Variants in MBNL1 observed in about 807,000 individuals in gnomAD.
The protein encoded by MBNL1 is muscleblind-like protein 1.
Under a neutral mutation model 42.2 loss-of-function variants are expected in MBNL1, and 8 were observed. The observed-to-expected ratio is 0.19, with a 90% CI of 0.11 to 0.34. MBNL1 has a LOEUF of 0.34. Ranked by LOEUF, MBNL1 falls within the 10% of genes least tolerant of loss-of-function variation. MBNL1 has a pLI of 1.00. For synonymous variants in MBNL1, 169 were observed against 173.9 expected, an observed-to-expected ratio of 0.97 and a Z score of 0.22; for missense variants, 309 against 495.3, an observed-to-expected ratio of 0.62 and a Z score of 3.57.
rs181784551 is a variant in MBNL1 at position 152,361,424 on chromosome 3, T to G, written c.175-53517T>G. On this transcript the variant is annotated intron_variant, in intron 2 of 9. Coordinates refer to ENST00000324210, the MANE Select transcript of MBNL1 (RefSeq NM_021038.5). ...AAGTAGAAGGAATAAACTAGGTAGA[T>G]AAAGAGACAGAAGACATACGAGATT... Among the ~76,000 whole-genome samples the G allele has an allele frequency of 2.7e-3, 406 of 150,254 alleles. 3 individuals carry two copies. Among genetic ancestry groups the G allele is most frequent in the South Asian group, 3.2e-3 (15 of 4,696 alleles).
At chr3:152,304,202 A>AT (rs34838855) in intron 2 of MBNL1, among the ~76,000 whole-genome samples, 30,871 of 152,060 alleles carry the variant, frequency 0.2, 3,617 homozygotes, top group Middle Eastern at 0.35. Context: ...AGTAAGGCAA[A>AT]CAAGTATCCA....
At chr3:152,426,505 C>T (rs2098933926) in intron 3 of MBNL1, among the ~76,000 whole-genome samples, 1 of 152,122 alleles carries the variant, frequency 6.6e-6, no homozygotes, top group East Asian at 1.9e-4. Flanking sequence ...TGGCTTGCAA[C>T]CTGGAGACCT....
chr3:152,340,929 C>A lies in MBNL1; in HGVS notation c.174+40562C>A, dbSNP rs778911971. ...TTGTTCTCTTCTAATTCTCTCCAGA[C>A]AGGAGACTGCAGCAGGCCTGCACCT... On this transcript the variant is annotated intron_variant, in intron 2 of 9. Coordinates refer to ENST00000324210, the MANE Select transcript of MBNL1 (RefSeq NM_021038.5). 11 of 1,571,822 alleles carry A rather than the reference C, an allele frequency of 7.0e-6. No homozygotes were observed. The Admixed American group carries it at 1.9e-4, about 27-fold the overall frequency.
intron 1 of MBNL1, among the ~76,000 whole-genome samples, chr3:152,297,084 G>A (rs897624234): frequency 6.6e-6 from 1 of 152,122 alleles, no homozygotes; most frequent in Non-Finnish European, 1.5e-5. Flanking sequence ...GGCTTTAGAG[G>A]AAGAAAATAG....
chr3:152,269,916 CTT>C lies in MBNL1; in HGVS notation c.-790+839_-790+840del, dbSNP rs76465541. The C allele has an allele frequency of 4.4e-4, 45 of 101,358 alleles. No homozygotes were observed. In the South Asian group the frequency reaches 5.3e-3, roughly 12 times the overall value. 6.3% of individuals were successfully genotyped at this position (101,358 alleles called of 1,614,324 possible). ...GGACAAATATGTAGCCACCCCCCAA[CTT>C]TTTTTTTTTTTTTTAAACGGAGCCG... is the stretch of plus-strand genomic sequence containing the variant. On this transcript the variant is annotated intron_variant, in intron 1 of 9. Transcript: ENST00000324210.
intron 2 of MBNL1, among the ~76,000 whole-genome samples, chr3:152,245,911 A>C (rs1386129770): frequency 6.6e-6 from 1 of 152,158 alleles, no homozygotes; most frequent in Admixed American, 6.6e-5. Flanking sequence ...CTTCATCTTT[A>C]TCACACACTA....
At chr3:152,248,396 A>T (rs913478105) in intron 2 of MBNL1, among the ~76,000 whole-genome samples, 13 of 152,158 alleles carry the variant, frequency 8.5e-5, no homozygotes, top group Admixed American at 3.9e-4. Flanking sequence ...TAAGTTGTAA[A>T]AATAAAAAAG....
chr3:152,433,046 T>C, intron 4 of MBNL1, 126 bp downstream of exon 4: 6 of 749,332 alleles, frequency 8.0e-6, no homozygotes, highest in Non-Finnish European at 1.3e-5. Context: ...TGGCTTAGGG[T>C]TTGGAACATT....
At chr3:152,431,823 A>G (rs1360498873) in intron 3 of MBNL1, among the ~76,000 whole-genome samples, 1 of 152,256 alleles carries the variant, frequency 6.6e-6, no homozygotes, top group Non-Finnish European at 1.5e-5. Context: ...AAATACTAGA[A>G]AAACAAATTG....
chr3:152,395,641 G>A (rs985953227), intron 2 of MBNL1, among the ~76,000 whole-genome samples: 1 of 152,156 alleles, frequency 6.6e-6, no homozygotes, highest in Non-Finnish European at 1.5e-5. Context: ...ATTCAAGTAG[G>A]CCTCAGCAAG....
chr3:152,306,834 T>G (rs2063402458), intron 2 of MBNL1, among the ~76,000 whole-genome samples: 1 of 152,168 alleles, frequency 6.6e-6, no homozygotes, highest in African/African-American at 2.4e-5. Context: ...AGATACCACT[T>G]TTGAAGAGAA....
At chr3:152,291,503 A>G (rs560784728) in intron 1 of MBNL1, among the ~76,000 whole-genome samples, 1 of 152,342 alleles carries the variant, frequency 6.6e-6, no homozygotes, top group South Asian at 2.1e-4. Context: ...ACTAAACCAT[A>G]TAGCTTAAGC....
chr3:152,282,868 G>A (rs1265339507), intron 1 of MBNL1, among the ~76,000 whole-genome samples: 6 of 152,192 alleles, frequency 3.9e-5, no homozygotes, highest in African/African-American at 7.2e-5. Context: ...AAAATAATAC[G>A]GGAAGAGAAA....
upstream of MBNL1, chr3:152,266,206 T>C (rs1274165514): frequency 3.9e-5 from 6 of 152,208 alleles, no homozygotes; most frequent in African/African-American, 9.7e-5. Context: ...AGCCATTCTG[T>C]TTTTCTGTAT....
chr3:152,295,144 T>C (rs933067846), intron 1 of MBNL1, among the ~76,000 whole-genome samples: 1 of 152,238 alleles, frequency 6.6e-6, no homozygotes, highest in Non-Finnish European at 1.5e-5. Context: ...CTATGTCCTT[T>C]ACAATTAAAT....
chr3:152,398,981 GA>G (rs1423174655), intron 2 of MBNL1, among the ~76,000 whole-genome samples: 1 of 151,988 alleles, frequency 6.6e-6, no homozygotes, highest in Non-Finnish European at 1.5e-5. Flanking sequence ...CTTCTAAATG[GA>G]AATAGTCCCC....
At chr3:152,348,260 AC>A (rs2094523783) in intron 2 of MBNL1, among the ~76,000 whole-genome samples, 1 of 152,188 alleles carries the variant, frequency 6.6e-6, no homozygotes, top group Admixed American at 6.6e-5. Flanking sequence ...TGCTATATCA[AC>A]AAAAAATTTT....
chr3:152,354,979 T>C (rs1054128844), intron 2 of MBNL1, among the ~76,000 whole-genome samples: 1 of 152,220 alleles, frequency 6.6e-6, no homozygotes, highest in Admixed American at 6.5e-5. Flanking sequence ...AATTATTTCA[T>C]CAAAAGTTGA....
In MBNL1 at chr3:152,464,134, A is replaced by G. The variant is rs1410426447; in HGVS notation, c.*1768A>G. On this transcript the variant is annotated 3_prime_UTR_variant, in exon 10 of 10. Coordinates refer to ENST00000324210, the MANE Select transcript of MBNL1 (RefSeq NM_021038.5). ...TTTTCTTGTTAAAATGTAGTTTTTC[A>G]TTTCCTACATTTATTAGATTTTCAT... 1 of 152,454 alleles carries G rather than the reference A, an allele frequency of 6.6e-6. No individual in the cohort carries two copies. Among genetic ancestry groups the G allele is most frequent in the African/African-American group, 2.4e-5 (1 of 41,420 alleles). The allele number at this position is 152,454 out of a possible 1,614,324, so 9.4% of individuals were successfully genotyped here.
Sources: allele counts gnomAD v4.1 joint callset (sites outside exome capture counted in the v4.1 genomes callset), GRCh38; gene constraint gnomAD v4.1.1; transcripts MANE v1.5; gene names NCBI Gene and HGNC (gene_info 2026-07-23, HGNC 2026-07-21).